Variants in ENOX1 observed in about 807,000 individuals in gnomAD.
ENOX1 encodes candidate growth-related and time keeping constitutive hydroquinone (NADH) oxidase.
Under a neutral mutation model 82.5 loss-of-function variants are expected in ENOX1, and 42 were observed. The observed-to-expected ratio is 0.51, with a 90% CI of 0.40 to 0.66. The LOEUF (loss-of-function observed/expected upper bound fraction) is 0.66, where lower values mean the gene tolerates loss of function less well. Ranked by LOEUF, ENOX1 falls within the 30% of genes least tolerant of loss-of-function variation. The pLI, the probability that ENOX1 is intolerant of heterozygous loss-of-function variation, is 0.00. For missense variants in ENOX1, 608 were observed against 811.6 expected, an observed-to-expected ratio of 0.75 and a Z score of 3.05; for synonymous variants, 271 against 282.2, an observed-to-expected ratio of 0.96 and a Z score of 0.40.
At chr13:43,658,120 A>G (rs2084534067) in intron 2 of ENOX1, among the ~76,000 whole-genome samples, 1 of 152,222 alleles carries the variant, frequency 6.6e-6, no homozygotes, top group Admixed American at 6.5e-5. Flanking sequence ...TTTCAGGCAT[A>G]TAAGAAATAT....
intron 3 of ENOX1, among the ~76,000 whole-genome samples, chr13:43,470,474 A>G (rs2058023310): frequency 6.8e-6 from 1 of 147,592 alleles, no homozygotes; most frequent in Non-Finnish European, 1.5e-5. Flanking sequence ...ATGAAAGAAA[A>G]AGAAAGCCCT....
At position 43,298,475 on chromosome 13, in the gene ENOX1, C is replaced by T; in HGVS notation, c.1317G>A (p.Gln439=). The T allele has an allele frequency of 6.2e-7, 1 of 1,614,018 alleles. No homozygotes were observed. The highest frequency in any genetic ancestry group is 8.5e-7 in the Non-Finnish European group (1 of 1,180,002). ...LKEENDSLRW[Q]LDAYRNEVEL... is the part of the protein sequence containing the mutation. ...CCACCTCATTCCTGTAGGCATCCAG[C>T]TGCCAGCGGAGACTGTCATTCTCCT... Residue 439 remains glutamine (Q), a synonymous_variant, in exon 12 of 17, where the codon CAG becomes CAA. Coordinates refer to ENST00000690772, the MANE Select transcript of ENOX1 (RefSeq NM_001347969.2).
At chr13:43,376,007 A>T (rs1187631631) in intron 5 of ENOX1, among the ~76,000 whole-genome samples, 1 of 152,254 alleles carries the variant, frequency 6.6e-6, no homozygotes, top group Non-Finnish European at 1.5e-5. Context: ...GAGACAGAGT[A>T]CAAGGGCTGG....
chr13:43,607,645 T>C (rs552853067), intron 2 of ENOX1, among the ~76,000 whole-genome samples: 1 of 152,318 alleles, frequency 6.6e-6, no homozygotes, highest in African/African-American at 2.4e-5. Flanking sequence ...CTGAATATTA[T>C]AATACTCATT....
At chr13:43,628,680 A>G (rs1237631221) in intron 2 of ENOX1, among the ~76,000 whole-genome samples, 1 of 152,226 alleles carries the variant, frequency 6.6e-6, no homozygotes, top group Non-Finnish European at 1.5e-5. Context: ...TTCAATTGAA[A>G]GCTGAACATT....
At chr13:43,303,211 G>A (rs1315617987) in intron 11 of ENOX1, among the ~76,000 whole-genome samples, 1 of 152,344 alleles carries the variant, frequency 6.6e-6, no homozygotes, top group East Asian at 1.9e-4. Context: ...GGCAGAGGCA[G>A]GCTGGCCTGG....
At chr13:43,620,224 A>G (rs1566650949) in intron 2 of ENOX1, among the ~76,000 whole-genome samples, 1 of 150,222 alleles carries the variant, frequency 6.7e-6, no homozygotes, top group Non-Finnish European at 1.5e-5. Context: ...TATCTTTTAT[A>G]TTTTTTTGGT....
intron 11 of ENOX1, among the ~76,000 whole-genome samples, chr13:43,310,714 AAAAG>A (rs931351212): frequency 9.9e-5 from 15 of 152,198 alleles, no homozygotes; most frequent in Non-Finnish European, 1.6e-4. Flanking sequence ...AGAAAGAAAG[AAAAG>A]AAAGAAAGAA....
chr13:43,525,820 C>T (rs1172086708), intron 2 of ENOX1, among the ~76,000 whole-genome samples: 1 of 151,960 alleles, frequency 6.6e-6, no homozygotes, highest in East Asian at 1.9e-4. Context: ...ATTTTTTAAT[C>T]AGGCTGCTTG....
chr13:43,774,856 T>TC (rs1311559618), intron 1 of ENOX1, among the ~76,000 whole-genome samples: 2 of 152,096 alleles, frequency 1.3e-5, no homozygotes, highest in Non-Finnish European at 2.9e-5. Flanking sequence ...TTTTCTTTTT[T>TC]CTTTTTTTTT....
intron 2 of ENOX1, among the ~76,000 whole-genome samples, chr13:43,594,218 C>T (rs2081364786): frequency 6.6e-6 from 1 of 152,102 alleles, no homozygotes; most frequent in Admixed American, 6.6e-5. Context: ...GTATAAATAG[C>T]AGTGGTAAAA....
At chr13:43,470,377 CATATATATACGTATATATATGT>C (rs2058004046) in intron 3 of ENOX1, among the ~76,000 whole-genome samples, 5 of 27,024 alleles carry the variant, frequency 1.9e-4, no homozygotes, top group African/African-American at 6.4e-4. Context: ...TATATATATA[CATATATATACGTATATATATGT>C]GTATATATAT....
chr13:43,405,587 T>C (rs1052548528), intron 5 of ENOX1, among the ~76,000 whole-genome samples: 2 of 151,536 alleles, frequency 1.3e-5, no homozygotes, highest in Non-Finnish European at 2.9e-5. Context: ...CACTTGCAAG[T>C]CTAGAAGCCT....
intron 9 of ENOX1, among the ~76,000 whole-genome samples, chr13:43,340,559 A>G (rs1249736700): frequency 6.6e-6 from 1 of 152,234 alleles, no homozygotes; most frequent in African/African-American, 2.4e-5. Flanking sequence ...GGGATACTAC[A>G]ACGTAAATTT....
At chr13:43,615,194 G>T (rs1244604059) in intron 2 of ENOX1, among the ~76,000 whole-genome samples, 1 of 152,106 alleles carries the variant, frequency 6.6e-6, no homozygotes, top group African/African-American at 2.4e-5. Flanking sequence ...TGAGCTTAAG[G>T]AATCTTCAGC....
chr13:43,688,076 C>T (rs889252081), intron 1 of ENOX1, among the ~76,000 whole-genome samples: 4 of 152,002 alleles, frequency 2.6e-5, no homozygotes, highest in Admixed American at 2.6e-4. Flanking sequence ...TGCCCTTATC[C>T]TAAGGGCAAT....
rs1324608477 is a variant in ENOX1 at position 43,470,409 on chromosome 13, T to TAC, written c.-75+13599_-75+13600insGT. The stretch of plus-strand genomic sequence containing the variant: ...ATACGTATATATATGTGTATATATA[T>TAC]ATATATATAACAGAGATAACCTTGT... On this transcript the variant is annotated intron_variant, in intron 3 of 16. Transcript: ENST00000690772. Among the ~76,000 whole-genome samples, 31 of 97,808 alleles carry TAC rather than the reference T, an allele frequency of 3.2e-4. 1 individual carries two copies. Among genetic ancestry groups the TAC allele is most frequent in the South Asian group, 8.3e-4 (3 of 3,604 alleles). 64.2% of individuals were successfully genotyped at this position (97,808 alleles called of 152,430 possible). A position where few individuals can be genotyped will look rare whatever the true frequency, so the allele number is the denominator to read the frequency against.
chr13:43,415,992 G>A (rs1265308293), intron 3 of ENOX1, among the ~76,000 whole-genome samples: 1 of 140,594 alleles, frequency 7.1e-6, no homozygotes, highest in African/African-American at 2.6e-5. Flanking sequence ...GCCAGGCAGA[G>A]GCGCTCCCCA....
chr13:43,263,678 C>A (rs532531629), intron 14 of ENOX1, among the ~76,000 whole-genome samples: 1 of 152,354 alleles, frequency 6.6e-6, no homozygotes, highest in African/African-American at 2.4e-5. Flanking sequence ...TACATTCTCT[C>A]ATTTGCTTCT....
Sources: gnomAD v4.1 joint callset for allele counts (sites outside exome capture counted in the v4.1 genomes callset) on GRCh38, gnomAD v4.1.1 for gene constraint, MANE v1.5 for transcripts, NCBI Gene and HGNC (gene_info 2026-07-23, HGNC 2026-07-21) for gene names.